The following RTL4 variants were observed in gnomAD, a reference collection of about 807,000 sequenced individuals.
RTL4 encodes the protein retrotransposon Gag like 4.
RTL4 carries 4 observed loss-of-function variants against 5.3 expected under a neutral mutation model. That is an observed-to-expected ratio of 0.75 (90% CI 0.37 to 1.72). The LOEUF is 1.72. Ranked by LOEUF, RTL4 falls within the 40% of genes most tolerant of loss-of-function variation. The pLI is 0.04. For synonymous variants in RTL4, 98 were observed against 87.3 expected (o/e 1.12, Z -0.68); for missense variants, 260 against 227.1 (o/e 1.14, Z -0.93).
At chrX:112,163,838 A>G in the RTL4 span, among the ~76,000 whole-genome samples, 3 of 111,633 alleles carry the variant, frequency 2.7e-5, no homozygotes, top group Non-Finnish European at 5.6e-5. Context: ...TCCCTTGAAA[A>G]CAGGAGAGTG....
chrX:112,295,298 C>G, the RTL4 span, among the ~76,000 whole-genome samples: 1 of 111,353 alleles, frequency 9.0e-6, no homozygotes, highest in Non-Finnish European at 1.9e-5. Flanking sequence ...TCATTTGATG[C>G]TGTTGTCTTC....
chrX:112,305,611 G>T, the RTL4 span, among the ~76,000 whole-genome samples: 2 of 111,080 alleles, frequency 1.8e-5, no homozygotes, highest in Non-Finnish European at 3.8e-5. Context: ...TGATCTGCCC[G>T]TCTCGGCCTC....
the RTL4 span, among the ~76,000 whole-genome samples, chrX:112,242,949 C>T: frequency 9.0e-6 from 1 of 111,371 alleles, no homozygotes; most frequent in Non-Finnish European, 1.9e-5. Context: ...TTGAGATAAT[C>T]ATGTGGTTTT....
chrX:112,261,162 T>C, the RTL4 span, among the ~76,000 whole-genome samples: 1 of 111,348 alleles, frequency 9.0e-6, no homozygotes, highest in Non-Finnish European at 1.9e-5. Flanking sequence ...GAAAGATGAT[T>C]ATAAACATAG....
At chrX:112,407,903 C>T in the RTL4 span, among the ~76,000 whole-genome samples, 30 of 112,586 alleles carry the variant, frequency 2.7e-4, no homozygotes, top group African/African-American at 8.4e-4. Context: ...AGCATGAAAG[C>T]AGTACCTTAG....
the RTL4 span, among the ~76,000 whole-genome samples, chrX:112,130,250 T>C: frequency 3.7e-5 from 4 of 109,050 alleles, no homozygotes; most frequent in Admixed American, 2.0e-4. Context: ...TCTTTTCTTT[T>C]TTTTTTTTTT....
the RTL4 span, among the ~76,000 whole-genome samples, chrX:112,401,354 C>G: frequency 9.0e-5 from 10 of 111,500 alleles, no homozygotes; most frequent in East Asian, 2.6e-3. Flanking sequence ...CATTGTGGGT[C>G]CAGGTACCAT....
chrX:112,146,470 A>G, the RTL4 span, among the ~76,000 whole-genome samples: 4 of 111,317 alleles, frequency 3.6e-5, no homozygotes, highest in African/African-American at 1.3e-4. Context: ...TGGAGATAAT[A>G]CATTTATGAT....
the RTL4 span, among the ~76,000 whole-genome samples, chrX:112,300,963 C>G: frequency 9.0e-6 from 1 of 111,366 alleles, no homozygotes; most frequent in South Asian, 3.8e-4. Context: ...CTCACACAGA[C>G]AGTGCTGAGG....
At chrX:112,129,783 A>G in the RTL4 span, among the ~76,000 whole-genome samples, 1 of 112,245 alleles carries the variant, frequency 8.9e-6, no homozygotes, top group East Asian at 2.8e-4. Context: ...AAAGCTACTA[A>G]AAGTAATAAG....
chrX:112,310,649 T>C, the RTL4 span, among the ~76,000 whole-genome samples: 1 of 63,245 alleles, frequency 1.6e-5, no homozygotes, highest in Non-Finnish European at 2.6e-5. Flanking sequence ...TATATATATT[T>C]ATATATATTA....
the RTL4 span, among the ~76,000 whole-genome samples, chrX:112,404,496 T>A: frequency 8.9e-6 from 1 of 112,078 alleles, no homozygotes; most frequent in Admixed American, 9.5e-5. Context: ...CGTCCCCTTC[T>A]TATGCCTGCC....
At chrX:112,166,365 G>A in the RTL4 span, among the ~76,000 whole-genome samples, 1 of 112,020 alleles carries the variant, frequency 8.9e-6, no homozygotes, top group Admixed American at 9.5e-5. Context: ...TTGGTAACTA[G>A]CAAGGGGACA....
the RTL4 span, among the ~76,000 whole-genome samples, chrX:112,145,489 C>T: frequency 2.7e-5 from 3 of 111,280 alleles, no homozygotes; most frequent in African/African-American, 6.5e-5. Context: ...TTTCTTTTCT[C>T]TTTCTTGTAT....
chrX:112,275,899 C>G, the RTL4 span, among the ~76,000 whole-genome samples: 4 of 112,143 alleles, frequency 3.6e-5, no homozygotes, highest in Non-Finnish European at 7.5e-5. Context: ...CCCACCACTG[C>G]ACTCCAGCCT....
chrX:112,443,810 G>A, the RTL4 span, among the ~76,000 whole-genome samples: 2 of 111,132 alleles, frequency 1.8e-5, no homozygotes, highest in South Asian at 7.5e-4. Context: ...AGAGTTGTTG[G>A]AGCTCCTTAT....
the RTL4 span, among the ~76,000 whole-genome samples, chrX:112,232,738 C>A: frequency 0.24 from 26,387 of 110,571 alleles, 2,972 homozygotes; most frequent in African/African-American, 0.45. Context: ...AACAGAAAAT[C>A]CCCCTCTTTT....
At chrX:112,373,641 A>G in the RTL4 span, among the ~76,000 whole-genome samples, 35,634 of 108,550 alleles carry the variant, frequency 0.33, 5,804 homozygotes, top group African/African-American at 0.61. Context: ...GAATACATAC[A>G]ATAAAATGTA....
At chrX:112,378,286 A>T in the RTL4 span, among the ~76,000 whole-genome samples, 291 of 111,358 alleles carry the variant, frequency 2.6e-3, no homozygotes, top group Non-Finnish European at 4.6e-3. Flanking sequence ...CAGTATGGGG[A>T]TGTAAGCCAA....
Sources: gnomAD v4.1 joint callset for allele counts (sites outside exome capture counted in the v4.1 genomes callset) on GRCh38, gnomAD v4.1.1 for gene constraint, MANE v1.5 for transcripts, NCBI Gene and HGNC (gene_info 2026-07-23, HGNC 2026-07-21) for gene names.